JAK2: variants seen among roughly 807,000 people sequenced by gnomAD.
The protein encoded by JAK2 is tyrosine-protein kinase JAK2.
In JAK2, 86 loss-of-function variants were observed where a neutral mutation model predicts 139.3. That is an observed-to-expected ratio of 0.62 (90% CI 0.52 to 0.74). The LOEUF is 0.74. Among genes scored for constraint, JAK2 ranks in the 30% least tolerant of loss-of-function variants. JAK2 has a pLI of 0.00. For missense variants in JAK2, 1,421 were observed against 1,360.3 expected, an observed-to-expected ratio of 1.04 and a Z score of -0.70; for synonymous variants, 490 against 437.7, an observed-to-expected ratio of 1.12 and a Z score of -1.49.
rs577610652 is a variant in JAK2 at position 5,126,229 on chromosome 9, A to G, written c.3178-104A>G. 2.7e-5 allele frequency: 19 copies of G among 693,172 alleles called. No homozygotes were observed. The African/African-American group carries it at 3.3e-4, about 12-fold the overall frequency. 42.9% of individuals were successfully genotyped at this position (693,172 alleles called of 1,614,324 possible). On this transcript the variant is annotated intron_variant, in intron 23 of 24. Coordinates refer to ENST00000381652, the MANE Select transcript of JAK2 (RefSeq NM_004972.4). ...TTTGAAAAGGTTTGAAAACATACAAAAGCACACATATACTAAATTTTTTCC... is the reference window on the plus strand; with the variant it reads ...TTTGAAAAGGTTTGAAAACATACAAGAGCACACATATACTAAATTTTTTCC...
chr9:5,127,541 C>CTATT lies in JAK2; in HGVS notation c.*752_*755dup, dbSNP rs150950589. ...TATTTTATTATGGTTTCCCTTGTAT[C>CTATT]TATTTGTGGTGAATGTGTTTTTTAA... On this transcript the variant is annotated 3_prime_UTR_variant, in exon 25 of 25. Coordinates refer to ENST00000381652, the MANE Select transcript of JAK2 (RefSeq NM_004972.4). 72 of 231,174 alleles carry CTATT rather than the reference C, an allele frequency of 3.1e-4. No individual in the cohort carries two copies. Among genetic ancestry groups the CTATT allele is most frequent in the African/African-American group, 1.5e-3 (68 of 45,296 alleles). The allele number at this position is 231,174 out of a possible 1,614,324, so 14.3% of individuals were successfully genotyped here.
At chr9:5,036,229 A>T (rs1050761569) in intron 4 of JAK2, among the ~76,000 whole-genome samples, 1 of 152,176 alleles carries the variant, frequency 6.6e-6, no homozygotes, top group Non-Finnish European at 1.5e-5. Flanking sequence ...GTAAAAGAGG[A>T]TACAAACAAA....
chr9:5,097,205 C>G lies in JAK2; in HGVS notation c.3059+6294C>G, dbSNP rs917271443. The G allele has an allele frequency of 3.3e-5, 5 of 152,276 alleles. No individual in the cohort carries two copies. The South Asian group carries it at 6.2e-4, about 19-fold the overall frequency. 9.4% of individuals were successfully genotyped at this position (152,276 alleles called of 1,614,324 possible). A position where few individuals can be genotyped will look rare whatever the true frequency, so the allele number is the denominator to read the frequency against. ...CAGCCATATCCCAATATCAAACACC[C>G]CTTTTCGTCCAACCATTCCTCATTA... On this transcript the variant is annotated intron_variant, in intron 22 of 24. Transcript: ENST00000381652.
intron 22 of JAK2, chr9:5,097,282 T>C (rs1821074960): frequency 6.6e-6 from 1 of 152,164 alleles, no homozygotes; most frequent in African/African-American, 2.4e-5. Flanking sequence ...ATTACCACAA[T>C]ATTAACTGAC....
intron 2 of JAK2, among the ~76,000 whole-genome samples, chr9:5,017,646 T>A (rs984967164): frequency 6.6e-6 from 1 of 152,208 alleles, no homozygotes; most frequent in Non-Finnish European, 1.5e-5. Flanking sequence ...ATAACTGCTT[T>A]TGCTGCATTT....
intron 2 of JAK2, among the ~76,000 whole-genome samples, chr9:5,005,431 G>A (rs1186090260): frequency 6.6e-6 from 1 of 151,938 alleles, no homozygotes; most frequent in Non-Finnish European, 1.5e-5. Context: ...TCTGTTAATT[G>A]TTTCCCTTGC....
chr9:5,018,438 G>A (rs898278114), intron 2 of JAK2, among the ~76,000 whole-genome samples: 2 of 152,090 alleles, frequency 1.3e-5, no homozygotes, highest in Admixed American at 6.5e-5. Flanking sequence ...ATGGTCTCAG[G>A]TGATCCTTCT....
At chr9:5,009,226 A>G (rs1213668127) in intron 2 of JAK2, among the ~76,000 whole-genome samples, 1 of 152,200 alleles carries the variant, frequency 6.6e-6, no homozygotes, top group South Asian at 2.1e-4. Context: ...ACCTGTGGGA[A>G]AGGAGAGAAC....
chr9:5,093,262 G>A (rs1185571482), intron 22 of JAK2, among the ~76,000 whole-genome samples: 1 of 152,032 alleles, frequency 6.6e-6, no homozygotes, highest in African/African-American at 2.4e-5. Context: ...AAAGGAACTC[G>A]GCAAATCTTA....
chr9:5,069,879 C>G, intron 11 of JAK2, 46 bp from the exon 12 acceptor site: 1 of 1,320,280 alleles, frequency 7.6e-7, no homozygotes, highest in Non-Finnish European at 1.0e-6. Context: ...GCAATTCATA[C>G]TTTCAGTGTA....
chr9:5,118,261 A>G (rs1823355974), intron 22 of JAK2, among the ~76,000 whole-genome samples: 1 of 152,208 alleles, frequency 6.6e-6, no homozygotes, highest in African/African-American at 2.4e-5. Context: ...ACTTTGTATC[A>G]TTCCTTTTTC....
chr9:5,100,984 T>G (rs1821435314), intron 22 of JAK2: 1 of 152,316 alleles, frequency 6.6e-6, no homozygotes, highest in Non-Finnish European at 1.5e-5. Context: ...GATGGTGATT[T>G]CCGCATTTCC....
chr9:5,044,351 GT>G, intron 4 of JAK2, 51 bp from the exon 5 acceptor site: 1 of 1,109,974 alleles, frequency 9.0e-7, no homozygotes, highest in Non-Finnish European at 1.4e-6. Flanking sequence ...TAGATAGTAC[GT>G]TTGTATTTGA....
At chr9:5,085,368 C>T in intron 19 of JAK2, 1 of 904,118 alleles carries the variant, frequency 1.1e-6, no homozygotes, top group Non-Finnish European at 1.8e-6. Flanking sequence ...GATAGGTGAT[C>T]TCATGCACCA....
intron 21 of JAK2, 26 bp downstream of exon 21, chr9:5,090,596 G>A (rs2130681147): frequency 6.5e-7 from 1 of 1,549,974 alleles, no homozygotes; most frequent in Non-Finnish European, 8.7e-7. Flanking sequence ...ATTATTTGCT[G>A]TAGATGAAGC....
chr9:5,046,654 T>C (rs1436589003), intron 5 of JAK2, among the ~76,000 whole-genome samples: 2 of 152,202 alleles, frequency 1.3e-5, no homozygotes, highest in African/African-American at 4.8e-5. Context: ...AAAGACTGTC[T>C]TTTCTCCATT....
In JAK2 at chr9:5,054,903, T is replaced by C. The variant is rs906647708; in HGVS notation, c.936+19T>C. 4 of 1,497,896 alleles carry C rather than the reference T, an allele frequency of 2.7e-6. No individual in the cohort carries two copies. The highest frequency in any genetic ancestry group is 2.2e-5 in the Admixed American group (1 of 46,240). 92.8% of individuals were successfully genotyped at this position (1,497,896 alleles called of 1,614,324 possible). On this transcript the variant is annotated intron_variant, in intron 7 of 24. Transcript: ENST00000381652. The surrounding 1 kb of genome is among the most constrained non-coding windows in gnomAD (Gnocchi z 4.9). ...AGAACAGGTAATCCTTAATGATATG[T>C]TCTTGTTCTTTGTTATTTTAAGTAC...
intron 8 of JAK2, 94 bp downstream of exon 8, chr9:5,055,882 G>A (rs897140587): frequency 8.7e-7 from 1 of 1,145,352 alleles, no homozygotes; most frequent in Admixed American, 2.4e-5. Flanking sequence ...TTTCTGGTAG[G>A]AATTTTGATT....
At chr9:5,116,757 A>G (rs866677166) in intron 22 of JAK2, among the ~76,000 whole-genome samples, 32 of 152,208 alleles carry the variant, frequency 2.1e-4, no homozygotes, top group African/African-American at 7.7e-4. Flanking sequence ...ACTAAAAGGA[A>G]AAGTTTGACG....
Sources: gnomAD v4.1 joint callset for allele counts (sites outside exome capture counted in the v4.1 genomes callset) on GRCh38, gnomAD v4.1.1 for gene constraint, Gnocchi (gnomAD v3.1) non-coding constraint, MANE v1.5 for transcripts, NCBI Gene and HGNC (gene_info 2026-07-23, HGNC 2026-07-21) for gene names.